Variants in SPMIP6 observed in about 807,000 individuals in gnomAD.
The protein encoded by SPMIP6 is sperm microtubule inner protein 6.
the SPMIP6 span, among the ~76,000 whole-genome samples, chr9:34,391,781 A>T: frequency 6.6e-6 from 1 of 152,100 alleles, no homozygotes; most frequent in African/African-American, 2.4e-5. Flanking sequence ...ATGACTTAGT[A>T]CTTGGTCCAC....
chr9:34,397,758 C>A, the SPMIP6 span: 8 of 964,298 alleles, frequency 8.3e-6, no homozygotes, highest in African/African-American at 9.8e-5. Flanking sequence ...CTGCTATAAT[C>A]CCCTCCTGCA....
chr9:34,387,914 A>T, the SPMIP6 span, among the ~76,000 whole-genome samples: 2 of 152,296 alleles, frequency 1.3e-5, no homozygotes, highest in East Asian at 3.9e-4. Context: ...CCTGAGGGTA[A>T]TGACTTAGCT....
the SPMIP6 span, chr9:34,380,740 C>G: frequency 6.5e-7 from 1 of 1,547,326 alleles, no homozygotes; most frequent in Non-Finnish European, 8.7e-7. Context: ...CCTTGGAGCC[C>G]GAGGGCGGGA....
chr9:34,385,407 C>G, the SPMIP6 span, among the ~76,000 whole-genome samples: 1 of 151,900 alleles, frequency 6.6e-6, no homozygotes, highest in Non-Finnish European at 1.5e-5. Flanking sequence ...TGGCACATGC[C>G]TGTAGTCCCA....
At chr9:34,382,999 G>T in the SPMIP6 span, 2 of 703,570 alleles carry the variant, frequency 2.8e-6, no homozygotes, top group Non-Finnish European at 2.5e-6. Context: ...TCAAGCCAGA[G>T]ACCCCAAGCC....
At chr9:34,383,584 A>G in the SPMIP6 span, among the ~76,000 whole-genome samples, 1 of 152,194 alleles carries the variant, frequency 6.6e-6, no homozygotes, top group South Asian at 2.1e-4. Flanking sequence ...TCTCACTTCC[A>G]TATCTTTGCA....
the SPMIP6 span, among the ~76,000 whole-genome samples, chr9:34,389,563 A>G: frequency 6.6e-6 from 1 of 152,130 alleles, no homozygotes; most frequent in Admixed American, 6.6e-5. Context: ...TATTTTTTGT[A>G]GAGATGAGGT....
At chr9:34,384,877 A>G in the SPMIP6 span, among the ~76,000 whole-genome samples, 2 of 152,148 alleles carry the variant, frequency 1.3e-5, no homozygotes, top group African/African-American at 2.4e-5. Context: ...GAACAGGAGC[A>G]AGAGATAATT....
the SPMIP6 span, chr9:34,379,680 G>A: frequency 3.7e-6 from 6 of 1,614,050 alleles, no homozygotes; most frequent in African/African-American, 2.7e-5. The surrounding 1 kb of genome is among the most constrained non-coding windows in gnomAD (Gnocchi z 4.2). Context: ...GACGGCGGGG[G>A]AGTTGTAACA....
chr9:34,397,554 T>C, the SPMIP6 span: 1 of 1,613,898 alleles, frequency 6.2e-7, no homozygotes, highest in Non-Finnish European at 8.5e-7. Context: ...CTTATAGACC[T>C]CCTTGATGGA....
chr9:34,380,254 G>A, the SPMIP6 span, among the ~76,000 whole-genome samples: 10 of 152,222 alleles, frequency 6.6e-5, no homozygotes. Flanking sequence ...GCCGCGTGCA[G>A]GACGAATGCC....
the SPMIP6 span, chr9:34,379,890 A>G: frequency 1.4e-5 from 8 of 586,320 alleles, no homozygotes; most frequent in African/African-American, 1.5e-4. This position sits in a 1 kb window ranked among gnomAD's most constrained non-coding sequence, Gnocchi z 4.2. Context: ...CCACTGCAGC[A>G]CCGATTCGGG....
At chr9:34,381,939 G>A in the SPMIP6 span, among the ~76,000 whole-genome samples, 15 of 152,210 alleles carry the variant, frequency 9.9e-5, no homozygotes, top group Non-Finnish European at 8.8e-5. The surrounding 1 kb of genome is among the most constrained non-coding windows in gnomAD (Gnocchi z 4.4). Flanking sequence ...GTTTGCGGCC[G>A]TGGCTGGACC....
At chr9:34,380,405 C>T in the SPMIP6 span, among the ~76,000 whole-genome samples, 9 of 152,176 alleles carry the variant, frequency 5.9e-5, no homozygotes, top group Admixed American at 5.9e-4. Flanking sequence ...TTTCCCGGCT[C>T]ACGTAGCCCC....
the SPMIP6 span, chr9:34,379,601 C>T: frequency 3.2e-6 from 5 of 1,552,954 alleles, no homozygotes; most frequent in African/African-American, 2.7e-5. The surrounding 1 kb of genome is among the most constrained non-coding windows in gnomAD (Gnocchi z 4.2). Context: ...CCTCACCAAG[C>T]CTTCAGGGTG....
At chr9:34,381,759 T>G in the SPMIP6 span, 1 of 985,254 alleles carries the variant, frequency 1.0e-6, no homozygotes, top group African/African-American at 1.7e-5. The surrounding 1 kb of genome is among the most constrained non-coding windows in gnomAD (Gnocchi z 4.4). Flanking sequence ...TGTGTCTGGG[T>G]GTCTCTCTAA....
At chr9:34,392,246 T>C in the SPMIP6 span, among the ~76,000 whole-genome samples, 1 of 152,110 alleles carries the variant, frequency 6.6e-6, no homozygotes, top group Non-Finnish European at 1.5e-5. The surrounding 1 kb of genome is among the most constrained non-coding windows in gnomAD (Gnocchi z 4.6). Context: ...AATTTTTTTG[T>C]AGAGATGGGG....
the SPMIP6 span, among the ~76,000 whole-genome samples, chr9:34,392,492 CT>C: frequency 2.0e-5 from 3 of 146,396 alleles, no homozygotes; most frequent in African/African-American, 7.6e-5. This position sits in a 1 kb window ranked among gnomAD's most constrained non-coding sequence, Gnocchi z 4.6. Context: ...CTGAAAATCT[CT>C]TTTGTCTGTT....
the SPMIP6 span, chr9:34,379,665 A>T: frequency 6.2e-7 from 1 of 1,614,110 alleles, no homozygotes; most frequent in Non-Finnish European, 8.5e-7. This position sits in a 1 kb window ranked among gnomAD's most constrained non-coding sequence, Gnocchi z 4.2. Context: ...GGATATGGGT[A>T]GTATGACGGC....
Sources: gnomAD v4.1 joint callset for allele counts (sites outside exome capture counted in the v4.1 genomes callset) on GRCh38, gnomAD v4.1.1 for gene constraint, Gnocchi (gnomAD v3.1) non-coding constraint, MANE v1.5 for transcripts, NCBI Gene and HGNC (gene_info 2026-07-23, HGNC 2026-07-21) for gene names.